AGMO: variants seen among roughly 807,000 people sequenced by gnomAD.
AGMO encodes glyceryl-ether monooxygenase.
In AGMO, 75 loss-of-function variants were observed where a neutral mutation model predicts 60.2. That is an observed-to-expected ratio of 1.25 (90% CI 1.03 to 1.51). The LOEUF (loss-of-function observed/expected upper bound fraction) is 1.51. AGMO is among the 40% of genes most tolerant of loss of function. AGMO has a pLI of 0.00. For missense variants in AGMO, 763 were observed against 525.5 expected (o/e 1.45, Z -4.42); for synonymous variants, 261 against 177.1 (o/e 1.47, Z -3.76).
intron 3 of AGMO, among the ~76,000 whole-genome samples, chr7:15,462,578 G>T (rs1309711156): frequency 1.3e-5 from 2 of 152,036 alleles, no homozygotes; most frequent in African/African-American, 2.4e-5. Context: ...AGTCATGCAG[G>T]TTGCAAGACA....
At chr7:15,244,443 C>T (rs1782682921) in intron 12 of AGMO, among the ~76,000 whole-genome samples, 1 of 152,140 alleles carries the variant, frequency 6.6e-6, no homozygotes, top group South Asian at 2.1e-4. Flanking sequence ...AAAAGCACTG[C>T]AAAACACCAT....
intron 9 of AGMO, 112 bp from the exon 10 acceptor site, chr7:15,385,674 C>CA (rs1199522530): frequency 2.9e-6 from 2 of 696,516 alleles, no homozygotes; most frequent in Non-Finnish European, 5.0e-6. Context: ...TAAAAAAAGA[C>CA]AAACATAATT....
chr7:15,197,260 C>G (rs1308537775), downstream of AGMO, among the ~76,000 whole-genome samples: 2 of 151,814 alleles, frequency 1.3e-5, no homozygotes, highest in Non-Finnish European at 2.9e-5. Context: ...ATTGTTCTCC[C>G]GAATAAATCC....
the AGMO span, among the ~76,000 whole-genome samples, chr7:15,171,073 C>T: frequency 2.6e-5 from 4 of 152,098 alleles, no homozygotes; most frequent in East Asian, 1.9e-4. Context: ...TCTCCCAGGA[C>T]GGAGCTCACA....
chr7:15,225,709 T>C (rs978452526), intron 12 of AGMO, among the ~76,000 whole-genome samples: 1 of 151,988 alleles, frequency 6.6e-6, no homozygotes, highest in African/African-American at 2.4e-5. Flanking sequence ...AAACTTAGCA[T>C]ATTCATGTAA....
intron 12 of AGMO, among the ~76,000 whole-genome samples, chr7:15,349,364 A>G (rs1056550175): frequency 2.6e-5 from 4 of 152,158 alleles, no homozygotes; most frequent in African/African-American, 9.6e-5. Flanking sequence ...TATAGCAAGC[A>G]AAATGTTTTG....
chr7:15,187,477 C>G, the AGMO span, among the ~76,000 whole-genome samples: 1 of 152,162 alleles, frequency 6.6e-6, no homozygotes, highest in Non-Finnish European at 1.5e-5. Flanking sequence ...TTTCACACGT[C>G]CTTTCATAAA....
chr7:15,257,995 T>C (rs988176548), intron 12 of AGMO, among the ~76,000 whole-genome samples: 6 of 152,190 alleles, frequency 3.9e-5, no homozygotes, highest in South Asian at 4.1e-4. Flanking sequence ...CTATTTAGCA[T>C]AGTATGAAAA....
intron 12 of AGMO, among the ~76,000 whole-genome samples, chr7:15,221,920 A>G (rs936429630): frequency 2.0e-5 from 3 of 152,174 alleles, no homozygotes; most frequent in Non-Finnish European, 2.9e-5. Flanking sequence ...AATATTTTTA[A>G]TATTTATATA....
rs1563053769 is a variant in AGMO, at chr7:15,248,191, T to TAC, written c.1264-46833_1264-46832insGT. On this transcript the variant is annotated intron_variant, in intron 12 of 12. Coordinates refer to ENST00000342526, the MANE Select transcript of AGMO (RefSeq NM_001004320.2). ...TGTGATCCAGCACCATATATATATA[T>TAC]ATATATATATATATATATATATATA... 2.2e-3 allele frequency among the ~76,000 whole-genome samples: 106 copies of TAC among 48,850 alleles called. 4 individuals are homozygous for TAC. The highest frequency in any genetic ancestry group is 3.1e-3 in the Non-Finnish European group (88 of 28,024). 32.0% of individuals were successfully genotyped at this position (48,850 alleles called of 152,430 possible). A position where few individuals can be genotyped will look rare whatever the true frequency, so the allele number is the denominator to read the frequency against.
At chr7:15,421,628 G>T (rs1283189841) in intron 4 of AGMO, among the ~76,000 whole-genome samples, 3 of 152,098 alleles carry the variant, frequency 2.0e-5, no homozygotes, top group Non-Finnish European at 4.4e-5. Flanking sequence ...TTTCTGGCTT[G>T]TCTGTTGGTG....
rs371184559 is a variant in AGMO at position 15,253,949 on chromosome 7, AT to A, written c.1264-52591del. Reference sequence around the variant, plus strand: ...CCATGTAAGAGTAAGATTGTGTAGTATTTTTTTTTTCCTGTGCCTGGATTGT... The same window carrying A: ...CCATGTAAGAGTAAGATTGTGTAGTATTTTTTTTTCCTGTGCCTGGATTGT... On this transcript the variant is annotated intron_variant, in intron 12 of 12. Transcript: ENST00000342526. 6.1e-3 allele frequency among the ~76,000 whole-genome samples: 905 copies of A among 149,204 alleles called. 11 individuals carry two copies. Among genetic ancestry groups the A allele is most frequent in the East Asian group, 0.044 (226 of 5,080 alleles).
intron 12 of AGMO, among the ~76,000 whole-genome samples, chr7:15,210,683 C>G (rs1257113184): frequency 6.6e-6 from 1 of 151,980 alleles, no homozygotes; most frequent in African/African-American, 2.4e-5. Context: ...ATTTAATTTT[C>G]TGTCTTAAGA....
At chr7:15,219,285 A>C (rs1165643579) in intron 12 of AGMO, among the ~76,000 whole-genome samples, 1 of 152,340 alleles carries the variant, frequency 6.6e-6, no homozygotes, top group African/African-American at 2.4e-5. Context: ...GACATCTAAT[A>C]TAATCTAGAC....
intron 12 of AGMO, among the ~76,000 whole-genome samples, chr7:15,244,639 T>TG (rs2128504133): frequency 6.6e-6 from 1 of 150,882 alleles, no homozygotes; most frequent in Admixed American, 6.6e-5. Flanking sequence ...ATTCTTTTTT[T>TG]TGTTTGTTTG....
At chr7:15,298,415 G>C (rs1784465210) in intron 12 of AGMO, among the ~76,000 whole-genome samples, 1 of 151,980 alleles carries the variant, frequency 6.6e-6, no homozygotes, top group South Asian at 2.1e-4. Context: ...TTGTTTTTGA[G>C]ACAGGGTCTC....
At chr7:15,188,689 C>A in the AGMO span, among the ~76,000 whole-genome samples, 36 of 152,186 alleles carry the variant, frequency 2.4e-4, 1 homozygote, top group African/African-American at 8.4e-4. Flanking sequence ...GAGAAAATTG[C>A]ATCCCAAAAG....
At chr7:15,556,022 C>T (rs1785123543) in intron 2 of AGMO, among the ~76,000 whole-genome samples, 1 of 151,890 alleles carries the variant, frequency 6.6e-6, no homozygotes, top group Admixed American at 6.6e-5. Flanking sequence ...TTATTTTGGA[C>T]AATGAATTGC....
At chr7:15,378,342 A>AC (rs1238414424) in intron 10 of AGMO, among the ~76,000 whole-genome samples, 1 of 152,082 alleles carries the variant, frequency 6.6e-6, no homozygotes, top group Admixed American at 6.6e-5. Flanking sequence ...ACCAATCATT[A>AC]AAGTTTTAAA....
Sources: gnomAD v4.1 joint callset for allele counts (sites outside exome capture counted in the v4.1 genomes callset) on GRCh38, gnomAD v4.1.1 for gene constraint, MANE v1.5 for transcripts, NCBI Gene and HGNC (gene_info 2026-07-23, HGNC 2026-07-21) for gene names.